MAPKAP1: variants seen among roughly 807,000 people sequenced by gnomAD.
The protein encoded by MAPKAP1 is MAPK associated protein 1.
Under a neutral mutation model 65.7 loss-of-function variants are expected in MAPKAP1, and 20 were observed. That is an observed-to-expected ratio of 0.30 (90% CI 0.21 to 0.44). MAPKAP1 has a LOEUF of 0.44. Among genes scored for constraint, MAPKAP1 ranks in the 20% least tolerant of loss-of-function variants. The pLI is 1.00. For missense variants in MAPKAP1, 423 were observed against 648.0 expected (o/e 0.65, Z 3.77); for synonymous variants, 222 against 244.3 (o/e 0.91, Z 0.85).
intron 8 of MAPKAP1, among the ~76,000 whole-genome samples, chr9:125,491,139 C>A (rs1488440521): frequency 7.3e-4 from 87 of 119,782 alleles, no homozygotes; most frequent in Middle Eastern, 4.6e-3. Flanking sequence ...GACTCCGTCT[C>A]AAAAAAAAAA....
intron 5 of MAPKAP1, among the ~76,000 whole-genome samples, chr9:125,579,939 C>G (rs1831566610): frequency 6.6e-6 from 1 of 152,172 alleles, no homozygotes; most frequent in Non-Finnish European, 1.5e-5. Flanking sequence ...TATGGAACAA[C>G]TATTTAAAAA....
At chr9:125,697,267 A>C (rs1273208639) in intron 1 of MAPKAP1, among the ~76,000 whole-genome samples, 1 of 152,262 alleles carries the variant, frequency 6.6e-6, no homozygotes, top group African/African-American at 2.4e-5. Flanking sequence ...CACCTGCATT[A>C]GTGAAAACTA....
In MAPKAP1 at chr9:125,501,664, C is replaced by T. The variant is rs1303953621; in HGVS notation, c.1066+4646G>A. Among the ~76,000 whole-genome samples, 4 of 147,826 alleles carry T rather than the reference C, an allele frequency of 2.7e-5. No homozygotes were observed. In the South Asian group the frequency reaches 9.0e-4, roughly 33 times the overall value. On this transcript the variant is annotated intron_variant, in intron 8 of 11. Coordinates refer to ENST00000265960, the MANE Select transcript of MAPKAP1 (RefSeq NM_001006617.3). Reference sequence around the variant, plus strand: ...TTGGATTTTCTTTGTAGGAAGGTTCCTAATTACTAATTAGCTTTTCAAAAT... The same window carrying T: ...TTGGATTTTCTTTGTAGGAAGGTTCTTAATTACTAATTAGCTTTTCAAAAT...
intron 7 of MAPKAP1, among the ~76,000 whole-genome samples, chr9:125,522,946 C>T (rs1829661271): frequency 6.6e-6 from 1 of 152,178 alleles, no homozygotes; most frequent in Admixed American, 6.5e-5. Flanking sequence ...AAATCACATC[C>T]CTCCTTTTTG....
chr9:125,504,918 T>G (rs985262874), intron 8 of MAPKAP1, among the ~76,000 whole-genome samples: 5 of 152,158 alleles, frequency 3.3e-5, no homozygotes, highest in Non-Finnish European at 7.4e-5. Context: ...CAATCTATAT[T>G]TACTGAGATC....
At chr9:125,593,768 G>T (rs1196932505) in intron 4 of MAPKAP1, among the ~76,000 whole-genome samples, 3 of 152,236 alleles carry the variant, frequency 2.0e-5, no homozygotes, top group Non-Finnish European at 2.9e-5. Context: ...CCCAAGGCAG[G>T]TTTGAGAACA....
chr9:125,701,776 T>G (rs1316472137), intron 1 of MAPKAP1, among the ~76,000 whole-genome samples: 5 of 152,224 alleles, frequency 3.3e-5, no homozygotes, highest in Non-Finnish European at 7.3e-5. Flanking sequence ...GCATTTAAAG[T>G]GCTAAGAGCA....
intron 9 of MAPKAP1, among the ~76,000 whole-genome samples, chr9:125,479,715 C>T (rs1044328701): frequency 2.6e-5 from 4 of 152,172 alleles, no homozygotes; most frequent in African/African-American, 9.7e-5. Context: ...AGAAGACAAG[C>T]AACTGGGTGG....
At chr9:125,670,073 A>C (rs1440313283) in intron 2 of MAPKAP1, among the ~76,000 whole-genome samples, 166 bp from the exon 3 acceptor site, 2 of 152,188 alleles carry the variant, frequency 1.3e-5, no homozygotes, top group Non-Finnish European at 2.9e-5. Context: ...ACCAACAAAA[A>C]CATGAAAATA....
intron 1 of MAPKAP1, among the ~76,000 whole-genome samples, chr9:125,679,825 C>T (rs996760511): frequency 1.3e-5 from 2 of 152,082 alleles, no homozygotes; most frequent in South Asian, 2.1e-4. Context: ...AAACACTACC[C>T]GCTCACTTCC....
At chr9:125,512,079 G>C (rs1829317137) in intron 7 of MAPKAP1, among the ~76,000 whole-genome samples, 1 of 152,238 alleles carries the variant, frequency 6.6e-6, no homozygotes, top group Admixed American at 6.5e-5. Context: ...AAAATCTGCA[G>C]AATCTGTTGG....
chr9:125,495,938 T>C lies in MAPKAP1; in HGVS notation c.1066+10372A>G, dbSNP rs149463189. 1.8e-4 allele frequency among the ~76,000 whole-genome samples: 27 copies of C among 152,356 alleles called. No individual in the cohort carries two copies. The East Asian group carries it at 5.0e-3, about 28-fold the overall frequency. ...AAGCTATGGTGTCTGTGACAGTTGG[T>C]TGGCCTCTGAGTCTCAGGCAGACAC... On this transcript the variant is annotated intron_variant, in intron 8 of 11. Transcript: ENST00000265960.
At chr9:125,451,361 A>C (rs1465667113) in intron 10 of MAPKAP1, among the ~76,000 whole-genome samples, 1 of 152,014 alleles carries the variant, frequency 6.6e-6, no homozygotes, top group Non-Finnish European at 1.5e-5. Context: ...CTGGACCTCC[A>C]CCTGTCCCTT....
In MAPKAP1 at chr9:125,698,288, A is replaced by ATATAT. The variant is rs1554845629; in HGVS notation, c.-70+8682_-70+8683insATATA. ...ATATATATAATACATAATATATATAAATATATATATATATATATATATATA... is the reference window on the plus strand; with the variant it reads ...ATATATATAATACATAATATATATAATATATATATATATATATATATATATATATA... On this transcript the variant is annotated intron_variant, in intron 1 of 11. Coordinates refer to ENST00000265960, the MANE Select transcript of MAPKAP1 (RefSeq NM_001006617.3). Among the ~76,000 whole-genome samples the ATATAT allele has an allele frequency of 2.0e-4, 10 of 49,046 alleles. 1 individual carries two copies. Among genetic ancestry groups the ATATAT allele is most frequent in the African/African-American group, 1.1e-3 (10 of 9,014 alleles). 32.2% of individuals were successfully genotyped at this position (49,046 alleles called of 152,430 possible).
chr9:125,456,725 C>T (rs755187567), intron 10 of MAPKAP1, among the ~76,000 whole-genome samples: 18 of 152,188 alleles, frequency 1.2e-4, no homozygotes, highest in Admixed American at 2.0e-4. Flanking sequence ...CTGCCAGCAA[C>T]GACTCAGTGA....
chr9:125,577,455 C>T (rs1034271768), intron 5 of MAPKAP1, among the ~76,000 whole-genome samples: 7 of 146,568 alleles, frequency 4.8e-5, no homozygotes, highest in Admixed American at 1.3e-4. Flanking sequence ...AGCCCCCCGC[C>T]CAGCCAGCCG....
At chr9:125,580,375 T>C (rs1465371121) in intron 5 of MAPKAP1, among the ~76,000 whole-genome samples, 1 of 152,194 alleles carries the variant, frequency 6.6e-6, no homozygotes, top group African/African-American at 2.4e-5. Context: ...GATGAGTTCA[T>C]GTCTTTTGTA....
At chr9:125,575,777 TG>T (rs1386094531) in intron 5 of MAPKAP1, among the ~76,000 whole-genome samples, 1 of 152,224 alleles carries the variant, frequency 6.6e-6, no homozygotes, top group East Asian at 1.9e-4. Flanking sequence ...ATGACCACTT[TG>T]GAAGACAGTT....
At chr9:125,693,710 C>CGTATATATACACACGT (rs1329696587) in intron 1 of MAPKAP1, among the ~76,000 whole-genome samples, 1 of 130,052 alleles carries the variant, frequency 7.7e-6, no homozygotes, top group African/African-American at 3.4e-5. Context: ...TATATATACA[C>CGTATATATACACACGT]ATATATACAC....
Sources: allele counts gnomAD v4.1 joint callset (sites outside exome capture counted in the v4.1 genomes callset), GRCh38; gene constraint gnomAD v4.1.1; transcripts MANE v1.5; gene names NCBI Gene and HGNC (gene_info 2026-07-23, HGNC 2026-07-21).